The following PCDHGB2 variants were observed in gnomAD, a reference collection of about 807,000 sequenced individuals.
The protein encoded by PCDHGB2 is protocadherin gamma-B2.
Under a neutral mutation model 59.3 loss-of-function variants are expected in PCDHGB2, and 55 were observed. The observed-to-expected ratio is 0.93, with a 90% CI of 0.75 to 1.16. The LOEUF (loss-of-function observed/expected upper bound fraction) is 1.16. PCDHGB2 is among the 50% of genes most tolerant of loss of function. The pLI is 0.00. For missense variants in PCDHGB2, 1,228 were observed against 1,198.5 expected (o/e 1.02, Z -0.36); for synonymous variants, 516 against 512.0 (o/e 1.01, Z -0.11).
chr5:141,429,760 C>T (rs1036499079), intron 1 of PCDHGB2, among the ~76,000 whole-genome samples: 2 of 152,020 alleles, frequency 1.3e-5, no homozygotes, highest in Non-Finnish European at 2.9e-5. Context: ...AATTTTTTCC[C>T]TATATTTTGA....
At chr5:141,450,292 C>T (rs1310226132) in intron 1 of PCDHGB2, among the ~76,000 whole-genome samples, 2 of 152,066 alleles carry the variant, frequency 1.3e-5, no homozygotes, top group African/African-American at 2.4e-5. Context: ...GGATTACAGG[C>T]GTGAGCCACC....
At chr5:141,453,046 T>C (rs1561950003) in intron 1 of PCDHGB2, among the ~76,000 whole-genome samples, 1 of 152,186 alleles carries the variant, frequency 6.6e-6, no homozygotes, top group Non-Finnish European at 1.5e-5. Context: ...GTTTCTATTA[T>C]GTGCAGTTTT....
Position 141,422,887 on chromosome 5 carries a change from C to G in PCDHGB2, c.2421+60331C>G, listed in dbSNP as rs2154549815. ...CAACGTGTCGCTGAGCCTGTTCGTG[C>G]TGGACCAGAACGACAATGCGCCCGA... On this transcript the variant is annotated intron_variant, in intron 1 of 3. Coordinates refer to ENST00000522605, the MANE Select transcript of PCDHGB2 (RefSeq NM_018923.3). The G allele has an allele frequency of 2.5e-6, 4 of 1,614,264 alleles. No homozygotes were observed. In the Middle Eastern group the frequency reaches 4.9e-4, roughly 200 times the overall value.
chr5:141,455,109 G>A (rs2098813382), intron 1 of PCDHGB2, among the ~76,000 whole-genome samples: 1 of 151,932 alleles, frequency 6.6e-6, no homozygotes, highest in South Asian at 2.1e-4. Context: ...ACTGCGCCCG[G>A]TGGGTCTAAT....
At chr5:141,394,962 A>C (rs971000405) in intron 1 of PCDHGB2, 1 of 1,613,828 alleles carries the variant, frequency 6.2e-7, no homozygotes, top group Non-Finnish European at 8.5e-7. Context: ...GCTCAGGCTG[A>C]GGCGCTGGCA....
intron 1 of PCDHGB2, chr5:141,371,712 C>CTGCA: frequency 1.2e-6 from 2 of 1,614,078 alleles, no homozygotes; most frequent in Non-Finnish European, 1.7e-6. Context: ...GACCATCACT[C>CTGCA]TGCACATCCT....
Position 141,485,156 on chromosome 5 carries a change from A to G in PCDHGB2, c.2422-9651A>G. The G allele has an allele frequency of 6.3e-7, 1 of 1,599,118 alleles. No homozygotes were observed. The highest frequency in any genetic ancestry group is 8.6e-7 in the Non-Finnish European group (1 of 1,168,318). On this transcript the variant is annotated intron_variant, in intron 1 of 3. Transcript: ENST00000522605. The surrounding 1 kb of genome is among the most constrained non-coding windows in gnomAD (Gnocchi z 5.7). ...ATCCGCGTCTCAGGAGCAAGTAGAG[A>G]ATTAGCGGGCGGCAGCAATGCTCCG... is the stretch of plus-strand genomic sequence containing the variant.
chr5:141,400,051 G>T, intron 1 of PCDHGB2: 1 of 1,613,762 alleles, frequency 6.2e-7, no homozygotes. Context: ...GCTGGTTGCT[G>T]TGCGTGATGG....
In PCDHGB2 at chr5:141,360,572, C is replaced by T; in HGVS notation, c.437C>T (p.Thr146Ile). ...TKINLKIGES[T>I]KPGTTFPLDP... is the part of the protein sequence containing the mutation. The stretch of plus-strand genomic sequence containing the variant: ...ATTAATTTAAAAATTGGCGAATCCA[C>T]TAAGCCAGGTACAACATTTCCACTT... Residue 146 changes from threonine to isoleucine, a missense_variant, in exon 1 of 4, where the codon ACT becomes ATT. By Grantham distance (89) the Thr-to-Ile change is moderately conservative. This residue lies in a region of PCDHGB2 where 781 missense variants were observed against 721.6 expected (regional missense o/e 1.08). Transcript: ENST00000522605. The T allele has an allele frequency of 1.9e-6, 3 of 1,613,998 alleles. No individual in the cohort carries two copies. Among genetic ancestry groups the T allele is most frequent in the East Asian group, 2.2e-5 (1 of 44,886 alleles).
intron 1 of PCDHGB2, chr5:141,419,537 C>G (rs368875631): frequency 1.2e-6 from 2 of 1,612,040 alleles, no homozygotes; most frequent in Non-Finnish European, 1.7e-6. Flanking sequence ...CGACAACGCA[C>G]CGCGGGTGCT....
At chr5:141,395,135 C>A (rs2093181761) in intron 1 of PCDHGB2, 3 of 1,614,104 alleles carry the variant, frequency 1.9e-6, no homozygotes, top group Non-Finnish European at 2.5e-6. Flanking sequence ...CCCAGCCCAA[C>A]TACGCAGACA....
At chr5:141,478,019 C>T in intron 1 of PCDHGB2, 1 of 1,614,136 alleles carries the variant, frequency 6.2e-7, no homozygotes, top group Non-Finnish European at 8.5e-7. Flanking sequence ...CCGTCCAGTC[C>T]AAGACACAGA....
At chr5:141,417,646 C>A in intron 1 of PCDHGB2, 2 of 797,870 alleles carry the variant, frequency 2.5e-6, no homozygotes, top group Non-Finnish European at 3.8e-6. Context: ...GATCCCTCAG[C>A]CTCTAGCCTG....
intron 1 of PCDHGB2, chr5:141,399,180 G>T (rs1454578078): frequency 3.7e-6 from 6 of 1,613,798 alleles, no homozygotes; most frequent in Admixed American, 1.7e-5. Flanking sequence ...TACTTGAAAT[G>T]ATTCTGGAAA....
intron 1 of PCDHGB2, chr5:141,413,618 A>G (rs1188549125): frequency 6.2e-7 from 1 of 1,613,916 alleles, no homozygotes; most frequent in Non-Finnish European, 8.5e-7. Context: ...AAAATTAATG[A>G]AAATGTCGCT....
chr5:141,472,980 C>CAAAAAAAAAAAAAAAAAAAA (rs60579131), intron 1 of PCDHGB2, among the ~76,000 whole-genome samples: 7 of 86,088 alleles, frequency 8.1e-5, no homozygotes, highest in South Asian at 4.3e-4. Flanking sequence ...GAGTGAAACT[C>CAAAAAAAAAAAAAAAAAAAA]AAAAAAAAAA....
intron 1 of PCDHGB2, chr5:141,383,056 G>A (rs768364409): frequency 4.3e-6 from 7 of 1,613,906 alleles, no homozygotes; most frequent in Non-Finnish European, 5.9e-6. Context: ...CAAGGACCTG[G>A]GGCTGGAGCC....
At position 141,431,641 on chromosome 5, in the gene PCDHGB2, A is replaced by G. The variant is rs772686680; in HGVS notation, c.2422-63166A>G. ...ACAAGGCGGCCCAAGTTTTCAAACT[A>G]GATTGTAATTCAGGGACAATATCAA... is the stretch of plus-strand genomic sequence containing the variant. On this transcript the variant is annotated intron_variant, in intron 1 of 3. Coordinates refer to ENST00000522605, the MANE Select transcript of PCDHGB2 (RefSeq NM_018923.3). This position sits in a 1 kb window ranked among gnomAD's most constrained non-coding sequence, Gnocchi z 4.8. The G allele has an allele frequency of 6.2e-7, 1 of 1,614,270 alleles. No individual in the cohort carries two copies. Among genetic ancestry groups the G allele is most frequent in the South Asian group, 1.1e-5 (1 of 91,092 alleles).
At chr5:141,480,873 C>T (rs1026513782) in intron 1 of PCDHGB2, among the ~76,000 whole-genome samples, 5 of 152,050 alleles carry the variant, frequency 3.3e-5, no homozygotes, top group Non-Finnish European at 7.4e-5. Context: ...GGTGAAACCC[C>T]GTCTCTACTA....
Sources: allele counts gnomAD v4.1 joint callset (sites outside exome capture counted in the v4.1 genomes callset), GRCh38; gene constraint gnomAD v4.1.1; regional missense constraint gnomAD v4.1.1; non-coding constraint Gnocchi (gnomAD v3.1); transcripts MANE v1.5; gene names NCBI Gene and HGNC (gene_info 2026-07-23, HGNC 2026-07-21).